Variants in TTBK2 observed in about 807,000 individuals in gnomAD.
TTBK2 encodes the protein tau-tubulin kinase 2.
In TTBK2, 28 loss-of-function variants were observed where a neutral mutation model predicts 110.8. The ratio of observed to expected loss-of-function variants is 0.25; its 90% confidence interval spans 0.19 to 0.35. TTBK2 has a LOEUF of 0.35. TTBK2 is among the 10% of genes least tolerant of loss of function. The probability of loss-of-function intolerance (pLI) is 1.00; values close to 1 mark genes in which losing one functional copy is unlikely to be tolerated. For synonymous variants in TTBK2, 532 were observed against 527.3 expected (o/e 1.01, Z -0.12); for missense variants, 1,369 against 1,500.3 (o/e 0.91, Z 1.45).
In TTBK2 at chr15:42,885,873, G is replaced by A. The variant is rs114659791; in HGVS notation, c.-67-7189C>T. On this transcript the variant is annotated intron_variant, in intron 1 of 14. Coordinates refer to ENST00000267890, the MANE Select transcript of TTBK2 (RefSeq NM_173500.4). Reference sequence around the variant, plus strand: ...CTCTCGCCTGACCTAAAATCTAAGCGTTTTATTTCCTTCTGCAATACCGCT... The same window carrying A: ...CTCTCGCCTGACCTAAAATCTAAGCATTTTATTTCCTTCTGCAATACCGCT... Among the ~76,000 whole-genome samples the A allele has an allele frequency of 9.9e-3, 1,507 of 152,140 alleles. 34 individuals are homozygous for A. The highest frequency in any genetic ancestry group is 0.035 in the African/African-American group (1,439 of 41,504).
chr15:42,864,988 A>G (rs567905372), intron 3 of TTBK2, among the ~76,000 whole-genome samples: 92 of 152,322 alleles, frequency 6.0e-4, no homozygotes, highest in African/African-American at 2.1e-3. Context: ...TATAAAGGAC[A>G]GGAGGGAGAA....
intron 3 of TTBK2, among the ~76,000 whole-genome samples, chr15:42,859,368 A>T (rs1462606841): frequency 6.6e-6 from 1 of 152,152 alleles, no homozygotes; most frequent in Non-Finnish European, 1.5e-5. Context: ...TCAGCCTCCC[A>T]AAGTGCTGGG....
Position 42,818,935 on chromosome 15 carries a change from C to A in TTBK2, c.538-1838G>T, listed in dbSNP as rs28520159. Among the ~76,000 whole-genome samples the A allele has an allele frequency of 5.1e-3, 739 of 145,458 alleles. 3 individuals are homozygous for A. The highest frequency in any genetic ancestry group is 8.2e-3 in the Non-Finnish European group (536 of 65,758). ...GAGACTCCGTCTCAAAAAAAAAAAA[C>A]AAAAAACAAAACAAACAAACAAACA... On this transcript the variant is annotated intron_variant, in intron 6 of 14. Coordinates refer to ENST00000267890, the MANE Select transcript of TTBK2 (RefSeq NM_173500.4).
chr15:42,786,018 C>T (rs1890398554), intron 10 of TTBK2, among the ~76,000 whole-genome samples: 1 of 152,038 alleles, frequency 6.6e-6, no homozygotes, highest in Non-Finnish European at 1.5e-5. Flanking sequence ...TAACCGATGA[C>T]CTTCACCACT....
chr15:42,752,514 G>C lies in TTBK2; in HGVS notation c.2732C>G (p.Pro911Arg), dbSNP rs2061880061. The stretch of plus-strand genomic sequence containing the variant: ...ACAATGAAATAGTTCTCCATTTCTA[G>C]GGGTGATTTTCTCTCTCTTGCCCTC... ...HQEGKREKIT[P>R]RNGELFHCVS... The change falls in exon 14 of 15, where the codon CCT becomes CGT. Residue 911 changes from proline to arginine, a missense_variant. Physicochemically the swap from Pro to Arg is moderately radical, Grantham distance 103 (BLOSUM62 -2). Transcript: ENST00000267890. The C allele has an allele frequency of 2.5e-6, 4 of 1,614,048 alleles. No individual in the cohort carries two copies. The highest frequency in any genetic ancestry group is 2.5e-6 in the Non-Finnish European group (3 of 1,180,030).
chr15:42,796,003 G>A (rs1366960902), intron 9 of TTBK2, among the ~76,000 whole-genome samples: 1 of 152,160 alleles, frequency 6.6e-6, no homozygotes, highest in Non-Finnish European at 1.5e-5. Context: ...ACTGCACATA[G>A]ATTTCTGTCC....
intron 3 of TTBK2, among the ~76,000 whole-genome samples, chr15:42,847,121 C>G (rs1462447262): frequency 6.6e-6 from 1 of 152,182 alleles, no homozygotes; most frequent in African/African-American, 2.4e-5. Context: ...TGCAGCCAGT[C>G]AGAAGTACAG....
intron 1 of TTBK2, among the ~76,000 whole-genome samples, chr15:42,900,230 G>A (rs921300618): frequency 3.2e-4 from 49 of 152,018 alleles, no homozygotes; most frequent in African/African-American, 9.6e-4. Flanking sequence ...CTGACCTCAT[G>A]ATCTGCCTGC....
intron 1 of TTBK2, among the ~76,000 whole-genome samples, chr15:42,916,632 A>C (rs1377812840): frequency 1.3e-5 from 2 of 152,186 alleles, no homozygotes; most frequent in Non-Finnish European, 2.9e-5. Context: ...CACCCGGCTG[A>C]AAAATGGTGA....
intron 1 of TTBK2, among the ~76,000 whole-genome samples, chr15:42,913,777 C>T (rs749762350): frequency 1.3e-5 from 2 of 152,140 alleles, no homozygotes; most frequent in South Asian, 2.1e-4. Flanking sequence ...ATAGGAAGTA[C>T]AGTATAACTT....
chr15:42,823,349 T>C (rs1475568767), intron 6 of TTBK2, among the ~76,000 whole-genome samples: 9 of 152,156 alleles, frequency 5.9e-5, no homozygotes, highest in Non-Finnish European at 8.8e-5. Context: ...AATCAAAGTG[T>C]TGCATATATA....
At chr15:42,865,506 AT>A (rs1424139105) in intron 3 of TTBK2, among the ~76,000 whole-genome samples, 95 of 126,926 alleles carry the variant, frequency 7.5e-4, no homozygotes, top group African/African-American at 3.5e-3. Flanking sequence ...GACAAAAATA[AT>A]AATACTAAAA....
rs780429553 is a variant in TTBK2 at position 42,864,362 on chromosome 15, ATCACCT to A, written c.217+8243_217+8248del. 3.3e-3 allele frequency among the ~76,000 whole-genome samples: 510 copies of A among 152,326 alleles called. 6 individuals carry two copies. The highest frequency in any genetic ancestry group is 4.1e-3 in the Non-Finnish European group (281 of 68,028). On this transcript the variant is annotated intron_variant, in intron 3 of 14. Coordinates refer to ENST00000267890, the MANE Select transcript of TTBK2 (RefSeq NM_173500.4). The stretch of plus-strand genomic sequence containing the variant: ...CACTTTGGGAGGCCAAAGCAGGCAG[ATCACCT>A]GAAGTCAGGAGTTCAAAACCAGCCT...
At position 42,898,516 on chromosome 15, in the gene TTBK2, GA is replaced by G. The variant is rs1014044218; in HGVS notation, c.-67-19833del. 4.8e-3 allele frequency among the ~76,000 whole-genome samples: 526 copies of G among 109,558 alleles called. 1 individual carries two copies. The highest frequency in any genetic ancestry group is 0.015 in the African/African-American group (488 of 31,850). 71.9% of individuals were successfully genotyped at this position (109,558 alleles called of 152,430 possible). On this transcript the variant is annotated intron_variant, in intron 1 of 14. Coordinates refer to ENST00000267890, the MANE Select transcript of TTBK2 (RefSeq NM_173500.4). ...GCAGAGTGAGACTCTGTCTCAAAAA[GA>G]AAAAAAAAAAGAAAAAGAAAAAAAA...
At chr15:42,798,630 T>A (rs1210652530) in intron 9 of TTBK2, among the ~76,000 whole-genome samples, 1 of 152,198 alleles carries the variant, frequency 6.6e-6, no homozygotes, top group Non-Finnish European at 1.5e-5. Flanking sequence ...AAAATTTAAA[T>A]GAACCTTTAA....
chr15:42,771,198 C>T (rs1889655864), intron 13 of TTBK2, among the ~76,000 whole-genome samples: 10 of 152,084 alleles, frequency 6.6e-5, no homozygotes, highest in Admixed American at 5.2e-4. Context: ...TGGTCTTGAA[C>T]TCCTGACCTC....
chr15:42,840,919 C>G (rs1893194935), intron 3 of TTBK2, among the ~76,000 whole-genome samples: 1 of 152,158 alleles, frequency 6.6e-6, no homozygotes. Context: ...TGAGTTCCAT[C>G]TGAGAAACCC....
intron 2 of TTBK2, among the ~76,000 whole-genome samples, chr15:42,876,405 A>G (rs1019357051): frequency 2.0e-5 from 3 of 152,170 alleles, no homozygotes; most frequent in African/African-American, 7.2e-5. Flanking sequence ...AACCAGCCTT[A>G]ACACAGTGCT....
intron 1 of TTBK2, 95 bp downstream of exon 1, chr15:42,920,343 C>G (rs961564087): frequency 3.9e-5 from 6 of 152,432 alleles, no homozygotes; most frequent in Non-Finnish European, 8.8e-5. Context: ...CTCCCCTCCT[C>G]AGCAGGCTCG....
Sources: gnomAD v4.1 joint callset for allele counts (sites outside exome capture counted in the v4.1 genomes callset) on GRCh38, gnomAD v4.1.1 for gene constraint, MANE v1.5 for transcripts, NCBI Gene and HGNC (gene_info 2026-07-23, HGNC 2026-07-21) for gene names.